Variants in NPEPPS observed in about 807,000 individuals in gnomAD.
The protein encoded by NPEPPS is puromycin-sensitive aminopeptidase.
Under a neutral mutation model 115.5 loss-of-function variants are expected in NPEPPS, and 14 were observed. The observed-to-expected ratio is 0.12, with a 90% CI of 0.08 to 0.19. NPEPPS has a LOEUF of 0.19. NPEPPS is among the 10% of genes least tolerant of loss of function. The pLI, the probability that NPEPPS is intolerant of heterozygous loss-of-function variation, is 1.00. For synonymous variants in NPEPPS, 285 were observed against 390.6 expected (o/e 0.73, Z 3.19); for missense variants, 523 against 1,110.8 (o/e 0.47, Z 7.52).
chr17:47,546,853 C>A (rs1330289930), intron 2 of NPEPPS, among the ~76,000 whole-genome samples: 2 of 152,104 alleles, frequency 1.3e-5, no homozygotes. Context: ...AATTTAAATT[C>A]TACTTCCAAG....
At chr17:47,523,716 C>A (rs1222120080) in intron 1 of NPEPPS, among the ~76,000 whole-genome samples, 1 of 152,132 alleles carries the variant, frequency 6.6e-6, no homozygotes, top group Non-Finnish European at 1.5e-5. Flanking sequence ...AACCACCATG[C>A]CTGGCCCAAT....
intron 1 of NPEPPS, among the ~76,000 whole-genome samples, chr17:47,540,584 G>A (rs1222221809): frequency 6.6e-6 from 1 of 152,192 alleles, no homozygotes; most frequent in Non-Finnish European, 1.5e-5. Context: ...CCTTCTTGGG[G>A]TAGTACACAT....
At position 47,587,267 on chromosome 17, in the gene NPEPPS, T is replaced by A. The variant is rs1912252009; in HGVS notation, c.1018T>A (p.Ser340Thr). 1 of 1,606,270 alleles carries A rather than the reference T, an allele frequency of 6.2e-7. No individual in the cohort carries two copies. Reference protein sequence around the residue: ...ALLIDPKNSCSSSRQWVALVV... With the variant: ...ALLIDPKNSCTSSRQWVALVV... Reference sequence around the variant, plus strand: ...GCTTATTGATCCAAAAAATTCCTGTTCTTCATCCCGCCAGTGGGTTGCTCT... The same window carrying A: ...GCTTATTGATCCAAAAAATTCCTGTACTTCATCCCGCCAGTGGGTTGCTCT... The change falls in exon 9 of 23, where the codon TCT (serine) becomes ACT (threonine). Residue 340 changes from serine (S) to threonine (T), a missense_variant. By Grantham distance (58) the Ser-to-Thr change is moderately conservative. Around this residue, in one of 4 missense-constraint regions of NPEPPS, gnomAD observed 144 missense variants for 512.4 expected, o/e 0.28. Transcript: ENST00000322157.
chr17:47,579,778 T>A (rs1327074863), intron 4 of NPEPPS: 1 of 217,244 alleles, frequency 4.6e-6, no homozygotes, highest in Non-Finnish European at 9.5e-6. Flanking sequence ...GCCTATATAC[T>A]GTGTACCTTT....
chr17:47,546,607 C>G (rs1909238007), intron 2 of NPEPPS, among the ~76,000 whole-genome samples: 1 of 152,066 alleles, frequency 6.6e-6, no homozygotes, highest in African/African-American at 2.4e-5. Context: ...GGCGTGATCT[C>G]AGCTCACTGC....
In NPEPPS at chr17:47,546,130, G is replaced by C. The variant is rs1909198018; in HGVS notation, c.340+137G>C. 4.1e-6 allele frequency: 6 copies of C among 1,459,808 alleles called. No homozygotes were observed. The African/African-American group carries it at 5.7e-5, about 14-fold the overall frequency. The allele number at this position is 1,459,808 out of a possible 1,614,324, so 90.4% of individuals were successfully genotyped here. A position where few individuals can be genotyped will look rare whatever the true frequency, so the allele number is the denominator to read the frequency against. On this transcript the variant is annotated intron_variant, in intron 2 of 22. Transcript: ENST00000322157. ...TAAGACTTCAATGTTTGTTACTTTAGAAATGGGTAAATTCAGCTGGGTGAA... is the reference window on the plus strand; with the variant it reads ...TAAGACTTCAATGTTTGTTACTTTACAAATGGGTAAATTCAGCTGGGTGAA...
chr17:47,605,598 CT>C (rs1913467137), intron 17 of NPEPPS, 46 bp downstream of exon 17: 3 of 1,178,256 alleles, frequency 2.5e-6, no homozygotes, highest in Admixed American at 2.1e-5. Flanking sequence ...GAAGTTGGTA[CT>C]TTTTTATGTG....
At chr17:47,594,899 T>C (rs1194654237) in intron 12 of NPEPPS, among the ~76,000 whole-genome samples, 3 of 151,588 alleles carry the variant, frequency 2.0e-5, no homozygotes, top group Admixed American at 6.6e-5. Flanking sequence ...CCCAAAGTGC[T>C]GGGATTACAG....
At chr17:47,548,405 A>G (rs1443479439) in intron 2 of NPEPPS, 3 of 151,990 alleles carry the variant, frequency 2.0e-5, no homozygotes, top group Non-Finnish European at 4.4e-5. Context: ...TATCAAAGCA[A>G]CAAGGCTTTC....
chr17:47,574,683 T>G (rs1416742136), intron 3 of NPEPPS, among the ~76,000 whole-genome samples: 1 of 152,148 alleles, frequency 6.6e-6, no homozygotes, highest in Non-Finnish European at 1.5e-5. Flanking sequence ...CTCAAACTCC[T>G]GGGTTTAAGT....
upstream of NPEPPS, among the ~76,000 whole-genome samples, chr17:47,528,158 C>T (rs1907515357): frequency 6.6e-6 from 1 of 151,422 alleles, no homozygotes; most frequent in South Asian, 2.1e-4. Context: ...AAAAATTAGT[C>T]GGGCATGGTG....
intron 2 of NPEPPS, among the ~76,000 whole-genome samples, chr17:47,557,725 C>T (rs1220810593): frequency 6.7e-6 from 1 of 148,702 alleles, no homozygotes; most frequent in Non-Finnish European, 1.5e-5. Flanking sequence ...CTGCTTCTTT[C>T]CTATTTTTGT....
At chr17:47,539,788 T>G (rs1567836407) in intron 1 of NPEPPS, among the ~76,000 whole-genome samples, 1 of 152,214 alleles carries the variant, frequency 6.6e-6, no homozygotes, top group African/African-American at 2.4e-5. Flanking sequence ...TTAGAAAACT[T>G]GGCTCAACTT....
At chr17:47,584,783 A>T (rs527712465) in intron 5 of NPEPPS, among the ~76,000 whole-genome samples, 1 of 152,302 alleles carries the variant, frequency 6.6e-6, no homozygotes, top group South Asian at 2.1e-4. Flanking sequence ...AATGCCCTCG[A>T]TCTAGAAGTT....
In NPEPPS at chr17:47,538,039, A is replaced by G. The variant is rs575112950; in HGVS notation, c.255+6484A>G. Among the ~76,000 whole-genome samples, 217 of 149,572 alleles carry G rather than the reference A, an allele frequency of 1.5e-3. 1 individual carries two copies. The highest frequency in any genetic ancestry group is 6.9e-3 in the Middle Eastern group (2 of 288). On this transcript the variant is annotated intron_variant, in intron 1 of 22. Coordinates refer to ENST00000322157, the MANE Select transcript of NPEPPS (RefSeq NM_006310.4). The stretch of plus-strand genomic sequence containing the variant: ...CTCCCTAGTAGCTGGGATTACAGGC[A>G]TGCACCACCACGCCTGGCTAATTTT...
In NPEPPS at chr17:47,620,214, CAAAAAA is replaced by C. The variant is rs370690314; in HGVS notation, c.2607+447_2607+452del. 5 of 58,474 alleles carry C rather than the reference CAAAAAA, an allele frequency of 8.6e-5. No individual in the cohort carries two copies. The South Asian group carries it at 1.7e-3, about 20-fold the overall frequency. The allele number at this position is 58,474 out of a possible 1,614,324, so 3.6% of individuals were successfully genotyped here. On this transcript the variant is annotated intron_variant, in intron 22 of 22. Transcript: ENST00000322157. ...GGGTGACAGAGCGAGACTCCTGTCTCAAAAAAAAAAAAAAAAAAAAAAGTCCTAAAA... is the reference window on the plus strand; with the variant it reads ...GGGTGACAGAGCGAGACTCCTGTCTCAAAAAAAAAAAAAAAAGTCCTAAAA...
intron 2 of NPEPPS, among the ~76,000 whole-genome samples, chr17:47,559,068 G>A (rs1910259575): frequency 6.6e-6 from 1 of 151,710 alleles, no homozygotes; most frequent in Admixed American, 6.6e-5. Context: ...AAAAAAGATA[G>A]GGTCTTGCTC....
At position 47,587,260 on chromosome 17, in the gene NPEPPS, T is replaced by C; in HGVS notation, c.1011T>C (p.Asn337=). The C allele has an allele frequency of 6.2e-7, 1 of 1,603,910 alleles. No homozygotes were observed. The highest frequency in any genetic ancestry group is 8.5e-7 in the Non-Finnish European group (1 of 1,176,268). Residue 337 remains asparagine, a synonymous_variant, in exon 9 of 23, where the codon AAT becomes AAC. Transcript: ENST00000322157. ...CTGCATTGCTTATTGATCCAAAAAATTCCTGTTCTTCATCCCGCCAGTGGG... is the reference window on the plus strand; with the variant it reads ...CTGCATTGCTTATTGATCCAAAAAACTCCTGTTCTTCATCCCGCCAGTGGG... ...RETALLIDPK[N]SCSSSRQWVA...
intron 15 of NPEPPS, chr17:47,603,713 AT>A (rs1913362719): frequency 2.3e-6 from 1 of 444,238 alleles, no homozygotes; most frequent in African/African-American, 2.0e-5. Flanking sequence ...GGCCCTCACA[AT>A]TTCAAGTTTC....
Sources: allele counts gnomAD v4.1 joint callset (sites outside exome capture counted in the v4.1 genomes callset), GRCh38; gene constraint gnomAD v4.1.1; regional missense constraint gnomAD v4.1.1; transcripts MANE v1.5; gene names NCBI Gene and HGNC (gene_info 2026-07-23, HGNC 2026-07-21).